The following TCF25 variants were observed in gnomAD, a reference collection of about 807,000 sequenced individuals.
TCF25 encodes TCF25 ribosome quality control complex subunit, also known as ribosome quality control complex subunit TCF25.
A neutral mutation model predicts 83.1 loss-of-function variants in TCF25; 41 were observed. The observed-to-expected ratio is 0.49, with a 90% CI of 0.38 to 0.64. The LOEUF (loss-of-function observed/expected upper bound fraction) is 0.64. Ranked by LOEUF, TCF25 falls within the 30% of genes least tolerant of loss-of-function variation. The pLI, the probability that TCF25 is intolerant of heterozygous loss-of-function variation, is 0.00. For missense variants in TCF25, 979 were observed against 914.5 expected, an observed-to-expected ratio of 1.07 and a Z score of -0.91; for synonymous variants, 458 against 365.0, an observed-to-expected ratio of 1.25 and a Z score of -2.90.
intron 11 of TCF25, among the ~76,000 whole-genome samples, chr16:89,899,222 C>A (rs372658676): frequency 7.9e-5 from 12 of 152,072 alleles, no homozygotes; most frequent in Non-Finnish European, 1.6e-4. Context: ...AAGATGCAGC[C>A]GGGAGGTAGA....
chr16:89,890,543 C>T (rs2144089850), intron 5 of TCF25: 1 of 152,280 alleles, frequency 6.6e-6, no homozygotes, highest in African/African-American at 2.4e-5. Flanking sequence ...CCCTGGATTT[C>T]TAACAGGTTT....
chr16:89,873,966 A>G (rs2041951960), intron 1 of TCF25, 107 bp downstream of exon 1: 1 of 1,341,314 alleles, frequency 7.5e-7, no homozygotes, highest in Non-Finnish European at 9.8e-7. Flanking sequence ...CAGGGGTGGG[A>G]AGGGTGACGT....
intron 2 of TCF25, chr16:89,883,739 CA>C: frequency 1.9e-6 from 1 of 532,852 alleles, no homozygotes; most frequent in Non-Finnish European, 3.3e-6. Context: ...TGCGCCTGCC[CA>C]GCAGTGTATG....
chr16:89,905,870 A>G (rs2044733199), intron 14 of TCF25, among the ~76,000 whole-genome samples: 2 of 152,198 alleles, frequency 1.3e-5, no homozygotes, highest in Non-Finnish European at 2.9e-5. Context: ...CGATGGTGAC[A>G]CACCCAGGTG....
Position 89,904,100 on chromosome 16 carries a change from C to T in TCF25, c.1382-18C>T, listed in dbSNP as rs1356069865. On this transcript the variant is annotated intron_variant, in intron 12 of 17. Coordinates refer to ENST00000263346, the MANE Select transcript of TCF25 (RefSeq NM_014972.3). ...GTGTGTGCTGAGGGCCCCCACAGAG[C>T]CTCCGCTTCCCCTGCAGTCCTCCTG... is the stretch of plus-strand genomic sequence containing the variant. The T allele has an allele frequency of 6.3e-7, 1 of 1,597,844 alleles. No homozygotes were observed. Among genetic ancestry groups the T allele is most frequent in the Non-Finnish European group, 8.5e-7 (1 of 1,172,992 alleles).
intron 12 of TCF25, 34 bp downstream of exon 12, chr16:89,900,828 G>C (rs1397231171): frequency 6.6e-7 from 1 of 1,519,778 alleles, no homozygotes; most frequent in East Asian, 2.3e-5. Flanking sequence ...TGGGGTAGGG[G>C]TGTGTCCTGT....
chr16:89,900,151 T>A (rs535512575), intron 11 of TCF25, among the ~76,000 whole-genome samples: 2 of 152,176 alleles, frequency 1.3e-5, no homozygotes, highest in Admixed American at 1.3e-4. Flanking sequence ...ATGCAGTGAG[T>A]CACATGTCTA....
At chr16:89,894,260 C>T (rs994481494) in intron 7 of TCF25, among the ~76,000 whole-genome samples, 6 of 151,866 alleles carry the variant, frequency 4.0e-5, no homozygotes, top group Non-Finnish European at 7.4e-5. Context: ...GGACGGCCCC[C>T]GCGCAGCCCC....
chr16:89,876,439 A>G (rs1318542310), intron 1 of TCF25, among the ~76,000 whole-genome samples: 2 of 152,096 alleles, frequency 1.3e-5, no homozygotes, highest in Non-Finnish European at 2.9e-5. Flanking sequence ...AAAAAATTTT[A>G]TTTATTTAGA....
At chr16:89,888,091 C>A (rs2043150081) in intron 5 of TCF25, among the ~76,000 whole-genome samples, 1 of 151,694 alleles carries the variant, frequency 6.6e-6, no homozygotes, top group African/African-American at 2.4e-5. Flanking sequence ...ATAGTGAAAC[C>A]CCGTCTCTAC....
intron 8 of TCF25, 53 bp from the exon 9 acceptor site, chr16:89,895,937 G>A (rs909343289): frequency 9.3e-6 from 14 of 1,506,964 alleles, no homozygotes; most frequent in Middle Eastern, 1.7e-4. Context: ...AGGAGGGGCC[G>A]TGGTTGCTGT....
chr16:89,876,428 TAA>T (rs1475565690), intron 1 of TCF25, among the ~76,000 whole-genome samples: 1 of 152,222 alleles, frequency 6.6e-6, no homozygotes, highest in African/African-American at 2.4e-5. Flanking sequence ...TTTCTCTTTT[TAA>T]AAAATTTTAT....
At chr16:89,890,842 G>A (rs1450244287) in intron 5 of TCF25, among the ~76,000 whole-genome samples, 1 of 151,924 alleles carries the variant, frequency 6.6e-6, no homozygotes, top group Non-Finnish European at 1.5e-5. Flanking sequence ...TATTTTTATA[G>A]TATTATTAAA....
chr16:89,892,046 C>G, intron 5 of TCF25, 147 bp from the exon 6 acceptor site: 1 of 638,358 alleles, frequency 1.6e-6, no homozygotes, highest in East Asian at 3.4e-5. Context: ...TGTTTGCATC[C>G]TGTCCTTAAT....
rs143037653 is a variant in TCF25, at chr16:89,906,213, C to A, written c.1648C>A (p.Arg550Ser). Residue 550 changes from arginine to serine, a missense_variant, in exon 15 of 18, where the codon CGT (arginine) becomes AGT (serine). Transcript: ENST00000263346. ...CCCTAGGCGGAAGGTGCTCTACCAG[C>A]GTGCACCCAGGAATATCCACCGCCA... ...CENRRKVLYQRAPRNIHRHVI... is the reference protein window; with the variant it reads ...CENRRKVLYQSAPRNIHRHVI... The A allele has an allele frequency of 2.2e-5, 35 of 1,613,344 alleles. No homozygotes were observed. The African/African-American group carries it at 4.4e-4, about 20-fold the overall frequency.
In TCF25 at chr16:89,875,615, T is replaced by C. The variant is rs111636309; in HGVS notation, c.192+1756T>C. Among the ~76,000 whole-genome samples the C allele has an allele frequency of 1.1e-3, 161 of 142,748 alleles. 1 individual carries two copies. The highest frequency in any genetic ancestry group is 2.1e-3 in the Non-Finnish European group (140 of 66,644). 93.6% of individuals were successfully genotyped at this position (142,748 alleles called of 152,430 possible). ...TCGGCTCACTGCAAGCTCCGCCTCC[T>C]GGGTTCACGCCATTCTCCTGCCTCA... On this transcript the variant is annotated intron_variant, in intron 1 of 17. Coordinates refer to ENST00000263346, the MANE Select transcript of TCF25 (RefSeq NM_014972.3).
intron 8 of TCF25, among the ~76,000 whole-genome samples, chr16:89,895,512 C>G (rs2043780473): frequency 6.6e-6 from 1 of 152,160 alleles, no homozygotes; most frequent in African/African-American, 2.4e-5. Flanking sequence ...CGCCCTCTGG[C>G]TTTTATTTAC....
chr16:89,876,471 C>G (rs2042198540), intron 1 of TCF25, among the ~76,000 whole-genome samples: 1 of 152,040 alleles, frequency 6.6e-6, no homozygotes, highest in African/African-American at 2.4e-5. Context: ...TTTATGTTGC[C>G]TAGGTTGGTC....
chr16:89,873,592 G>C lies in TCF25; in HGVS notation c.-76G>C, dbSNP rs1234894143. The C allele has an allele frequency of 3.6e-6, 5 of 1,370,058 alleles. No homozygotes were observed. The highest frequency in any genetic ancestry group is 3.8e-6 in the Non-Finnish European group (4 of 1,054,036). 84.9% of individuals were successfully genotyped at this position (1,370,058 alleles called of 1,614,324 possible). On this transcript the variant is annotated 5_prime_UTR_variant, in exon 1 of 18. Transcript: ENST00000263346. ...CCCCGCCCCCGACCCCGCGCGAAGAGTGCGCAGGCGCGCCGACAGCCGAGT... is the reference window on the plus strand; with the variant it reads ...CCCCGCCCCCGACCCCGCGCGAAGACTGCGCAGGCGCGCCGACAGCCGAGT...
Sources: allele counts gnomAD v4.1 joint callset (sites outside exome capture counted in the v4.1 genomes callset), GRCh38; gene constraint gnomAD v4.1.1; transcripts MANE v1.5; gene names NCBI Gene and HGNC (gene_info 2026-07-23, HGNC 2026-07-21).